KDM7A: variants seen among roughly 807,000 people sequenced by gnomAD.
KDM7A encodes lysine demethylase 7A, also known as lysine-specific demethylase 7A.
Under a neutral mutation model 114.8 loss-of-function variants are expected in KDM7A, and 28 were observed. That is an observed-to-expected ratio of 0.24 (90% CI 0.18 to 0.33). The LOEUF (loss-of-function observed/expected upper bound fraction) is 0.33, where lower values mean the gene tolerates loss of function less well. Among genes scored for constraint, KDM7A ranks in the 10% least tolerant of loss-of-function variants. The pLI, the probability that KDM7A is intolerant of heterozygous loss-of-function variation, is 1.00. For synonymous variants in KDM7A, 423 were observed against 397.8 expected (o/e 1.06, Z -0.75); for missense variants, 942 against 1,142.5 (o/e 0.82, Z 2.53).
In KDM7A at chr7:140,102,029, T is replaced by A. The variant is rs547627144; in HGVS notation, c.1560A>T (p.Arg520=). ...CTAGGATGTCTAGGTTAGAAGGAGT[T>A]CGGACATTATGATCTCGAAGTTTCC... The part of the protein sequence containing the change: ...KMRKLRDHNV[R]TPSNLDILEL... Residue 520 remains arginine, a synonymous_variant, in exon 12 of 20, where the codon CGA becomes CGT. Coordinates refer to ENST00000397560, the MANE Select transcript of KDM7A (RefSeq NM_030647.2). The A allele has an allele frequency of 2.2e-5, 35 of 1,614,078 alleles. No individual in the cohort carries two copies. The East Asian group carries it at 7.6e-4, about 35-fold the overall frequency.
At position 140,136,609 on chromosome 7, in the gene KDM7A, T is replaced by C. The variant is rs578252701; in HGVS notation, c.280+2496A>G. On this transcript the variant is annotated intron_variant, in intron 2 of 19. Coordinates refer to ENST00000397560, the MANE Select transcript of KDM7A (RefSeq NM_030647.2). The stretch of plus-strand genomic sequence containing the variant: ...GAGTTCTTAATTCCCAGTAAGAGGG[T>C]AAAGTCTAAATTCACCATATGAAGT... Among the ~76,000 whole-genome samples the C allele has an allele frequency of 2.0e-5, 3 of 152,264 alleles. No homozygotes were observed. In the South Asian group the frequency reaches 6.2e-4, roughly 32 times the overall value.
intron 1 of KDM7A, among the ~76,000 whole-genome samples, chr7:140,159,945 T>TAAAAAAAAAA (rs71520071): frequency 8.1e-6 from 1 of 124,048 alleles, no homozygotes; most frequent in Non-Finnish European, 1.7e-5. Context: ...TGACTTCCAT[T>TAAAAAAAAAA]AAAAAAAAAA....
intron 17 of KDM7A, among the ~76,000 whole-genome samples, chr7:140,095,908 A>T (rs1350930041): frequency 1.3e-5 from 2 of 152,108 alleles, no homozygotes; most frequent in African/African-American, 2.4e-5. Flanking sequence ...AATAAAAAAA[A>T]TTATTTCAGT....
intron 1 of KDM7A, 73 bp from the exon 2 acceptor site, chr7:140,139,263 G>A: frequency 1.0e-6 from 1 of 955,036 alleles, no homozygotes; most frequent in Non-Finnish European, 1.7e-6. Flanking sequence ...ACAGTGGTTG[G>A]AATTTAGCTG....
intron 1 of KDM7A, among the ~76,000 whole-genome samples, chr7:140,171,560 T>A (rs1286284137): frequency 9.6e-6 from 1 of 103,798 alleles, no homozygotes; most frequent in African/African-American, 3.9e-5. Flanking sequence ...TATATTTATT[T>A]TTATATATTT....
At position 140,120,471 on chromosome 7, in the gene KDM7A, C is replaced by T; in HGVS notation, c.1110G>A (p.Leu370=). 6.2e-7 allele frequency: 1 copy of T among 1,612,470 alleles called. No homozygotes were observed. Among genetic ancestry groups the T allele is most frequent in the South Asian group, 1.1e-5 (1 of 91,048 alleles). ...GCTGCATGCCAATGTTAAGGTTGTG[C>T]AGGAAGTTCCCCCCAAAAGCCATAC... The part of the protein sequence containing the change: ...QDCMAFGGNF[L]HNLNIGMQLR... Residue 370 remains leucine, a synonymous_variant, in exon 8 of 20, where the codon CTG becomes CTA. Coordinates refer to ENST00000397560, the MANE Select transcript of KDM7A (RefSeq NM_030647.2).
chr7:140,100,092 A>C, intron 12 of KDM7A, 69 bp from the exon 13 acceptor site: 1 of 1,520,158 alleles, frequency 6.6e-7, no homozygotes, highest in Non-Finnish European at 9.1e-7. Context: ...GATGGAATAC[A>C]GTATACCACC....
chr7:140,157,995 T>TA (rs36113160), intron 1 of KDM7A, among the ~76,000 whole-genome samples: 12,145 of 138,994 alleles, frequency 0.087, 680 homozygotes, highest in African/African-American at 0.17. Context: ...AATAAATAAA[T>TA]AATAATAATA....
chr7:140,154,333 AG>A (rs1489425777), intron 1 of KDM7A, among the ~76,000 whole-genome samples: 2 of 151,436 alleles, frequency 1.3e-5, no homozygotes, highest in African/African-American at 4.9e-5. Context: ...AAAAAAAAAA[AG>A]TTTTTAAAAA....
At chr7:140,110,205 C>T (rs1818409831) in intron 11 of KDM7A, among the ~76,000 whole-genome samples, 1 of 151,992 alleles carries the variant, frequency 6.6e-6, no homozygotes, top group Non-Finnish European at 1.5e-5. Flanking sequence ...AGAATCATAC[C>T]TTTCACAGTA....
intron 11 of KDM7A, among the ~76,000 whole-genome samples, chr7:140,107,302 G>A (rs912467223): frequency 1.3e-5 from 2 of 152,152 alleles, no homozygotes; most frequent in Non-Finnish European, 2.9e-5. Context: ...GTGTGAATTT[G>A]ATCCACTCAT....
intron 1 of KDM7A, among the ~76,000 whole-genome samples, chr7:140,164,467 T>C (rs918561054): frequency 2.0e-5 from 3 of 152,158 alleles, no homozygotes; most frequent in East Asian, 3.8e-4. Context: ...TCTCTAGACA[T>C]TGACTGGTGT....
At chr7:140,093,955 T>C in intron 18 of KDM7A, 101 bp downstream of exon 18, 2 of 769,572 alleles carry the variant, frequency 2.6e-6, no homozygotes, top group South Asian at 2.8e-5. Context: ...TGCCTAGATC[T>C]AGCAGTTGAT....
intron 9 of KDM7A, among the ~76,000 whole-genome samples, chr7:140,117,826 T>C (rs1475682122): frequency 2.0e-5 from 3 of 152,162 alleles, no homozygotes; most frequent in Admixed American, 6.5e-5. Flanking sequence ...GGATTCACGA[T>C]AAGGATTCAT....
chr7:140,121,302 C>T (rs1818614625), intron 7 of KDM7A, among the ~76,000 whole-genome samples: 1 of 152,210 alleles, frequency 6.6e-6, no homozygotes, highest in East Asian at 1.9e-4. Context: ...TTCAAGACTT[C>T]ACCAGAAATA....
intron 9 of KDM7A, among the ~76,000 whole-genome samples, chr7:140,116,675 T>C (rs1259412061): frequency 1.3e-5 from 2 of 152,138 alleles, no homozygotes; most frequent in African/African-American, 4.8e-5. Flanking sequence ...GTGTGATCTA[T>C]ATAATCAACT....
At chr7:140,138,183 C>T (rs1447649984) in intron 2 of KDM7A, among the ~76,000 whole-genome samples, 1 of 151,994 alleles carries the variant, frequency 6.6e-6, no homozygotes, top group Non-Finnish European at 1.5e-5. Flanking sequence ...TGAAGCATGC[C>T]TGTGGTCCCA....
At chr7:140,153,631 G>A (rs1329415013) in intron 1 of KDM7A, among the ~76,000 whole-genome samples, 1 of 152,164 alleles carries the variant, frequency 6.6e-6, no homozygotes, top group Non-Finnish European at 1.5e-5. Flanking sequence ...TGGTTATAAT[G>A]TACAGAGAAA....
chr7:140,145,199 G>A lies in KDM7A; in HGVS notation c.195-6009C>T, dbSNP rs148552399. Among the ~76,000 whole-genome samples the A allele has an allele frequency of 5.0e-3, 762 of 152,226 alleles. 5 individuals are homozygous for A. The highest frequency in any genetic ancestry group is 0.02 in the Middle Eastern group (6 of 294). ...CCCATGTGGTGCAGACCCAGAGCAGGAAATTGGATTCATCCAGAGTTGGGG... is the reference window on the plus strand; with the variant it reads ...CCCATGTGGTGCAGACCCAGAGCAGAAAATTGGATTCATCCAGAGTTGGGG... On this transcript the variant is annotated intron_variant, in intron 1 of 19. Coordinates refer to ENST00000397560, the MANE Select transcript of KDM7A (RefSeq NM_030647.2).
Sources: allele counts gnomAD v4.1 joint callset (sites outside exome capture counted in the v4.1 genomes callset), GRCh38; gene constraint gnomAD v4.1.1; transcripts MANE v1.5; gene names NCBI Gene and HGNC (gene_info 2026-07-23, HGNC 2026-07-21).